Variants in ASB18 observed in about 807,000 individuals in gnomAD.
ASB18 encodes ankyrin repeat and SOCS box containing 18, also known as ankyrin repeat and SOCS box protein 18.
In ASB18, 33 loss-of-function variants were observed where a neutral mutation model predicts 33.4. That is an observed-to-expected ratio of 0.99 (90% CI 0.75 to 1.32). ASB18 has a LOEUF of 1.32. Among genes scored for constraint, ASB18 ranks in the 40% most tolerant of loss-of-function variants. The probability of loss-of-function intolerance (pLI) is 0.00; values close to 1 mark genes in which losing one functional copy is unlikely to be tolerated. For synonymous variants in ASB18, 295 were observed against 307.6 expected (o/e 0.96, Z 0.43); for missense variants, 694 against 655.5 (o/e 1.06, Z -0.64).
chr2:236,238,420 A>G lies in ASB18; in HGVS notation c.329-464T>C, dbSNP rs1428560824. Among the ~76,000 whole-genome samples the G allele has an allele frequency of 6.6e-6, 1 of 152,270 alleles. No individual in the cohort carries two copies. The highest frequency in any genetic ancestry group is 2.4e-5 in the African/African-American group (1 of 41,554). On this transcript the variant is annotated intron_variant, in intron 2 of 5. Coordinates refer to ENST00000409749, the MANE Select transcript of ASB18 (RefSeq NM_212556.4). This position sits in a 1 kb window ranked among gnomAD's most constrained non-coding sequence, Gnocchi z 5.2. ...CCAGCACTCCCTTAGCTGAGCTCCA[A>G]ACTTGTCCCTTTATCATTAAGAAGA... is the stretch of plus-strand genomic sequence containing the variant.
rs1208604226 is a variant in ASB18 at position 236,235,433 on chromosome 2, A to G, written c.596+2256T>C. On this transcript the variant is annotated intron_variant, in intron 3 of 5. Transcript: ENST00000409749. The surrounding 1 kb of genome is among the most constrained non-coding windows in gnomAD (Gnocchi z 6.2). Reference sequence around the variant, plus strand: ...GATGTTTACACAATGATGAAACAACACATTTCTGAGAATGTATCCCCATCG... The same window carrying G: ...GATGTTTACACAATGATGAAACAACGCATTTCTGAGAATGTATCCCCATCG... Among the ~76,000 whole-genome samples, 1 of 152,228 alleles carries G rather than the reference A, an allele frequency of 6.6e-6. No individual in the cohort carries two copies. The highest frequency in any genetic ancestry group is 1.5e-5 in the Non-Finnish European group (1 of 68,044).
Position 236,256,099 on chromosome 2 carries a change from C to T in ASB18, c.205+8042G>A, listed in dbSNP as rs1037636962. On this transcript the variant is annotated intron_variant, in intron 1 of 5. Transcript: ENST00000409749. This position sits in a 1 kb window ranked among gnomAD's most constrained non-coding sequence, Gnocchi z 4.7. ...AGGTTGGAGTGCAGTGGCATGATCACGGTTCACTGCAGCACCTTCCAGCTT... is the reference window on the plus strand; with the variant it reads ...AGGTTGGAGTGCAGTGGCATGATCATGGTTCACTGCAGCACCTTCCAGCTT... Among the ~76,000 whole-genome samples, 11 of 152,236 alleles carry T rather than the reference C, an allele frequency of 7.2e-5. No individual in the cohort carries two copies. Among genetic ancestry groups the T allele is most frequent in the African/African-American group, 2.4e-4 (10 of 41,540 alleles).
At chr2:236,233,130 G>A (rs900336478) in intron 3 of ASB18, among the ~76,000 whole-genome samples, 3 of 152,038 alleles carry the variant, frequency 2.0e-5, no homozygotes, top group Non-Finnish European at 4.4e-5. Flanking sequence ...TGCAAGGTTG[G>A]TTTAACATTT....
rs996235144 is a variant in ASB18, at chr2:236,256,880, TG to T, written c.205+7260del. 6.6e-5 allele frequency among the ~76,000 whole-genome samples: 10 copies of T among 151,532 alleles called. No homozygotes were observed. The highest frequency in any genetic ancestry group is 1.5e-4 in the Non-Finnish European group (10 of 67,872). On this transcript the variant is annotated intron_variant, in intron 1 of 5. Coordinates refer to ENST00000409749, the MANE Select transcript of ASB18 (RefSeq NM_212556.4). This position sits in a 1 kb window ranked among gnomAD's most constrained non-coding sequence, Gnocchi z 4.7. The stretch of plus-strand genomic sequence containing the variant: ...ATCACAGTGTCATTCAACCTGCTTC[TG>T]GGGAAAAAAAAAGAGCCTAGGGTGT...
chr2:236,214,124 G>C lies in ASB18; in HGVS notation c.1101+238C>G, dbSNP rs2060471933. ...CGTGGCTCTAACCAGAAGGCTTCTA[G>C]GCCCCTGTTCCTCAAAATGGGGTCC... On this transcript the variant is annotated intron_variant, in intron 4 of 5. Transcript: ENST00000409749. The surrounding 1 kb of genome is among the most constrained non-coding windows in gnomAD (Gnocchi z 6.5). 3.7e-6 allele frequency: 2 copies of C among 536,508 alleles called. No individual in the cohort carries two copies. The highest frequency in any genetic ancestry group is 3.5e-5 in the East Asian group (1 of 28,682). 33.2% of individuals were successfully genotyped at this position (536,508 alleles called of 1,614,324 possible).
At position 236,229,058 on chromosome 2, in the gene ASB18, C is replaced by A. The variant is rs954889223; in HGVS notation, c.596+8631G>T. Among the ~76,000 whole-genome samples, 2 of 151,968 alleles carry A rather than the reference C, an allele frequency of 1.3e-5. No individual in the cohort carries two copies. Among genetic ancestry groups the A allele is most frequent in the African/African-American group, 4.8e-5 (2 of 41,350 alleles). Reference sequence around the variant, plus strand: ...AGGAGTTTGAGACCATCCTGGGCAGCAAAACAAGACCCCAACTCTACAATA... The same window carrying A: ...AGGAGTTTGAGACCATCCTGGGCAGAAAAACAAGACCCCAACTCTACAATA... On this transcript the variant is annotated intron_variant, in intron 3 of 5. Coordinates refer to ENST00000409749, the MANE Select transcript of ASB18 (RefSeq NM_212556.4). This position sits in a 1 kb window ranked among gnomAD's most constrained non-coding sequence, Gnocchi z 5.2.
intron 1 of ASB18, among the ~76,000 whole-genome samples, chr2:236,246,346 C>CAAAAAAA (rs60064230): frequency 1.5e-3 from 50 of 32,718 alleles, no homozygotes; most frequent in East Asian, 2.3e-3. Flanking sequence ...GACTCCATCT[C>CAAAAAAA]AAAAAAAAAA....
chr2:236,244,231 A>G lies in ASB18; in HGVS notation c.206-2829T>C, dbSNP rs946282113. 3.9e-5 allele frequency among the ~76,000 whole-genome samples: 6 copies of G among 152,340 alleles called. No homozygotes were observed. In the East Asian group the frequency reaches 1.2e-3, roughly 29 times the overall value. On this transcript the variant is annotated intron_variant, in intron 1 of 5. Transcript: ENST00000409749. The surrounding 1 kb of genome is among the most constrained non-coding windows in gnomAD (Gnocchi z 6.1). ...ATTCTTTGGCCTGTGCACATGAGTT[A>G]CGATACAAACTATATGAGCAGAGGC...
At position 236,240,354 on chromosome 2, in the gene ASB18, T is replaced by A. The variant is rs767307081; in HGVS notation, c.328+926A>T. ...TTTATTCTCTTCTCCCCGTGTGAGG[T>A]ATAAACAGAACTGTGTCAGTTCTTT... is the stretch of plus-strand genomic sequence containing the variant. On this transcript the variant is annotated intron_variant, in intron 2 of 5. Transcript: ENST00000409749. Among the ~76,000 whole-genome samples the A allele has an allele frequency of 7.6e-4, 115 of 152,194 alleles. 1 individual carries two copies. Among genetic ancestry groups the A allele is most frequent in the Non-Finnish European group, 1.4e-3 (97 of 68,002 alleles).
rs932849556 is a variant in ASB18 at position 236,225,272 on chromosome 2, C to T, written c.597-10406G>A. Among the ~76,000 whole-genome samples, 3 of 152,036 alleles carry T rather than the reference C, an allele frequency of 2.0e-5. No homozygotes were observed. The highest frequency in any genetic ancestry group is 7.2e-5 in the African/African-American group (3 of 41,400). On this transcript the variant is annotated intron_variant, in intron 3 of 5. Coordinates refer to ENST00000409749, the MANE Select transcript of ASB18 (RefSeq NM_212556.4). This position sits in a 1 kb window ranked among gnomAD's most constrained non-coding sequence, Gnocchi z 5.1. Reference sequence around the variant, plus strand: ...AAGTAGCTGAGACTACAGTTGTGTGCCACCATGCCTTGCTAATTTTTGCAG... The same window carrying T: ...AAGTAGCTGAGACTACAGTTGTGTGTCACCATGCCTTGCTAATTTTTGCAG...
In ASB18 at chr2:236,214,779, C is replaced by T. The variant is rs2060478503; in HGVS notation, c.684G>A (p.Gln228=). ...GGCGCGCGTGCTCGTCCAGGCCGCGCTGCGCCGCCACGTGCAGCGGCGTGT... is the reference window on the plus strand; with the variant it reads ...GGCGCGCGTGCTCGTCCAGGCCGCGTTGCGCCGCCACGTGCAGCGGCGTGT... ...GRDTPLHVAA[Q]RGLDEHARLY... is the part of the protein sequence containing the mutation. Residue 228 remains glutamine (Q), a synonymous_variant, in exon 4 of 6, where the codon CAG becomes CAA. Coordinates refer to ENST00000409749, the MANE Select transcript of ASB18 (RefSeq NM_212556.4). The surrounding 1 kb of genome is among the most constrained non-coding windows in gnomAD (Gnocchi z 6.5). 8.4e-7 allele frequency: 1 copy of T among 1,197,190 alleles called. No homozygotes were observed. Among genetic ancestry groups the T allele is most frequent in the African/African-American group, 1.6e-5 (1 of 62,410 alleles). 74.2% of individuals were successfully genotyped at this position (1,197,190 alleles called of 1,614,324 possible).
rs908001874 is a variant in ASB18 at position 236,215,108 on chromosome 2, A to G, written c.597-242T>C. Among the ~76,000 whole-genome samples the G allele has an allele frequency of 1.3e-5, 2 of 151,974 alleles. No homozygotes were observed. Among genetic ancestry groups the G allele is most frequent in the Admixed American group, 1.3e-4 (2 of 15,272 alleles). On this transcript the variant is annotated intron_variant, in intron 3 of 5. Transcript: ENST00000409749. This position sits in a 1 kb window ranked among gnomAD's most constrained non-coding sequence, Gnocchi z 7.2. ...GGATATGCCATAAGAATCCACGTGC[A>G]GAGTTACAATTTATAAGGAAATTTT...
rs1392057775 is a variant in ASB18 at position 236,238,585 on chromosome 2, GGTTT to G, written c.329-633_329-630del. Among the ~76,000 whole-genome samples the G allele has an allele frequency of 1.4e-5, 2 of 146,214 alleles. No homozygotes were observed. Among genetic ancestry groups the G allele is most frequent in the Non-Finnish European group, 3.0e-5 (2 of 67,180 alleles). ...GGTGGTCCACATTCAGCACAATCCTGGTTTGTTTCTTTGCGCTTTTTAGGGGTGT... is the reference window on the plus strand; with the variant it reads ...GGTGGTCCACATTCAGCACAATCCTGGTTTCTTTGCGCTTTTTAGGGGTGT... On this transcript the variant is annotated intron_variant, in intron 2 of 5. Coordinates refer to ENST00000409749, the MANE Select transcript of ASB18 (RefSeq NM_212556.4). The surrounding 1 kb of genome is among the most constrained non-coding windows in gnomAD (Gnocchi z 5.2).
At position 236,209,453 on chromosome 2, in the gene ASB18, G is replaced by A. The variant is rs1073463; in HGVS notation, c.1101+4909C>T. Among the ~76,000 whole-genome samples the A allele has an allele frequency of 0.17, 26,179 of 151,862 alleles. 2,271 individuals are homozygous for A. Among genetic ancestry groups the A allele is most frequent in the South Asian group, 0.25 (1,200 of 4,814 alleles). On this transcript the variant is annotated intron_variant, in intron 4 of 5. Coordinates refer to ENST00000409749, the MANE Select transcript of ASB18 (RefSeq NM_212556.4). The surrounding 1 kb of genome is among the most constrained non-coding windows in gnomAD (Gnocchi z 4.4). Reference sequence around the variant, plus strand: ...ATGCCCAGGTAATTTAATTTTTTGTGGAGATGGTGTCTCACTATGTTGTCT... The same window carrying A: ...ATGCCCAGGTAATTTAATTTTTTGTAGAGATGGTGTCTCACTATGTTGTCT...
rs1237380553 is a variant in ASB18, at chr2:236,237,412, GGGGGCC to G, written c.596+271_596+276del. ...GGGGGCCGGGGCCGGGGCGCGGGGC[GGGGGCC>G]GGGGCCGGGGCGCGGGGCGAGGGCC... is the stretch of plus-strand genomic sequence containing the variant. On this transcript the variant is annotated intron_variant, in intron 3 of 5. Transcript: ENST00000409749. The surrounding 1 kb of genome is among the most constrained non-coding windows in gnomAD (Gnocchi z 6.2). Among the ~76,000 whole-genome samples, 3 of 90,984 alleles carry G rather than the reference GGGGGCC, an allele frequency of 3.3e-5. No individual in the cohort carries two copies. Among genetic ancestry groups the G allele is most frequent in the African/African-American group, 2.0e-4 (3 of 15,002 alleles). 59.7% of individuals were successfully genotyped at this position (90,984 alleles called of 152,430 possible). A position where few individuals can be genotyped will look rare whatever the true frequency, so the allele number is the denominator to read the frequency against.
In ASB18 at chr2:236,262,891, G is replaced by A. The variant is rs923796733; in HGVS notation, c.205+1250C>T. Among the ~76,000 whole-genome samples the A allele has an allele frequency of 1.9e-4, 29 of 152,178 alleles. 1 individual carries two copies. The highest frequency in any genetic ancestry group is 6.8e-4 in the African/African-American group (28 of 41,438). ...AAAGTAGACCCAAACCAAGGGGGGGGGGCGGACCCCCTCGGAAGTTCCAAT... is the reference window on the plus strand; with the variant it reads ...AAAGTAGACCCAAACCAAGGGGGGGAGGCGGACCCCCTCGGAAGTTCCAAT... On this transcript the variant is annotated intron_variant, in intron 1 of 5. Transcript: ENST00000409749. This position sits in a 1 kb window ranked among gnomAD's most constrained non-coding sequence, Gnocchi z 5.2.
At chr2:236,236,509 C>T (rs1391970044) in intron 3 of ASB18, among the ~76,000 whole-genome samples, 1 of 152,184 alleles carries the variant, frequency 6.6e-6, no homozygotes, top group Non-Finnish European at 1.5e-5. Context: ...GCCTTAAACA[C>T]GTGCCGCTTG....
In ASB18 at chr2:236,200,011, G is replaced by A. The variant is rs866021766; in HGVS notation, c.1102-3626C>T. Among the ~76,000 whole-genome samples the A allele has an allele frequency of 1.4e-4, 21 of 152,014 alleles. No individual in the cohort carries two copies. The highest frequency in any genetic ancestry group is 2.0e-4 in the Admixed American group (3 of 15,252). Reference sequence around the variant, plus strand: ...CCTGGAAAATAATCTTCATTTTAAAGAAATTTAGCATTGCATAGATAACAG... The same window carrying A: ...CCTGGAAAATAATCTTCATTTTAAAAAAATTTAGCATTGCATAGATAACAG... On this transcript the variant is annotated intron_variant, in intron 4 of 5. Coordinates refer to ENST00000409749, the MANE Select transcript of ASB18 (RefSeq NM_212556.4). The surrounding 1 kb of genome is among the most constrained non-coding windows in gnomAD (Gnocchi z 4.2).
rs2060476900 is a variant in ASB18 at position 236,214,620 on chromosome 2, C to T, written c.843G>A (p.Arg281=). The T allele has an allele frequency of 1.7e-6, 2 of 1,204,032 alleles. No individual in the cohort carries two copies. Among genetic ancestry groups the T allele is most frequent in the Non-Finnish European group, 2.1e-6 (2 of 971,932 alleles). 74.6% of individuals were successfully genotyped at this position (1,204,032 alleles called of 1,614,324 possible). A position where few individuals can be genotyped will look rare whatever the true frequency, so the allele number is the denominator to read the frequency against. Reference sequence around the variant, plus strand: ...CGCGCGCGTCCGCCTCCGCCCCGCGCCGCAGCAGCAGCGCGCACAGGCGCA... The same window carrying T: ...CGCGCGCGTCCGCCTCCGCCCCGCGTCGCAGCAGCAGCGCGCACAGGCGCA... ...RCLRLCALLL[R]RGAEADARDE... is the part of the protein sequence containing the mutation. The change falls in exon 4 of 6, where the codon CGG becomes CGA. Residue 281 remains arginine (R), a synonymous_variant. Coordinates refer to ENST00000409749, the MANE Select transcript of ASB18 (RefSeq NM_212556.4). The surrounding 1 kb of genome is among the most constrained non-coding windows in gnomAD (Gnocchi z 6.5).
Sources: gnomAD v4.1 joint callset for allele counts (sites outside exome capture counted in the v4.1 genomes callset) on GRCh38, gnomAD v4.1.1 for gene constraint, Gnocchi (gnomAD v3.1) non-coding constraint, MANE v1.5 for transcripts, NCBI Gene and HGNC (gene_info 2026-07-23, HGNC 2026-07-21) for gene names.